Variants in KATNIP observed in about 807,000 individuals in gnomAD.
KATNIP encodes katanin interacting protein.
Under a neutral mutation model 174.0 loss-of-function variants are expected in KATNIP, and 126 were observed. The observed-to-expected ratio is 0.72, with a 90% CI of 0.63 to 0.84. The LOEUF (loss-of-function observed/expected upper bound fraction) is 0.84. KATNIP is among the 40% of genes least tolerant of loss of function. The pLI, the probability that KATNIP is intolerant of heterozygous loss-of-function variation, is 0.00. For missense variants in KATNIP, 1,958 were observed against 2,109.7 expected, an observed-to-expected ratio of 0.93 and a Z score of 1.41; for synonymous variants, 810 against 835.7, an observed-to-expected ratio of 0.97 and a Z score of 0.53.
chr16:27,768,488 G>C (rs898406136), intron 20 of KATNIP, among the ~76,000 whole-genome samples: 12 of 152,146 alleles, frequency 7.9e-5, no homozygotes, highest in Non-Finnish European at 1.6e-4. Flanking sequence ...GGGCGACTCT[G>C]TCCAGGGCAC....
Position 27,753,994 on chromosome 16 carries a change from G to C in KATNIP, c.3553-179G>C, listed in dbSNP as rs536638276. Among the ~76,000 whole-genome samples the C allele has an allele frequency of 2.1e-3, 321 of 152,246 alleles. 3 individuals carry two copies. Among genetic ancestry groups the C allele is most frequent in the African/African-American group, 7.4e-3 (307 of 41,528 alleles). ...AAGGATGCAGACCCTGGAGGGTCAG[G>C]GTCCGCCCATATCACTGGTCCCATA... On this transcript the variant is annotated intron_variant, in intron 17 of 27. Transcript: ENST00000261588.
chr16:27,585,049 A>G (rs527966584), intron 2 of KATNIP, among the ~76,000 whole-genome samples: 2 of 151,916 alleles, frequency 1.3e-5, no homozygotes, highest in Non-Finnish European at 2.9e-5. Flanking sequence ...AGACAGGAGG[A>G]CCCCAAACTC....
Position 27,775,046 on chromosome 16 carries a change from G to T in KATNIP, c.4411G>T (p.Gly1471Cys). ...CGACCAAGTGAACGACACCAGTGAT[G>T]GCCGGCACATGTGGCTGGCTCCCAT... ...LIDQVNDTSD[G>C]RHMWLAPILP... is the part of the protein sequence containing the mutation. The change falls in exon 24 of 28, where the codon GGC (glycine) becomes TGC (cysteine). Residue 1471 changes from glycine to cysteine, a missense_variant. This residue lies in a region of KATNIP where 383 missense variants were observed against 456.0 expected (regional missense o/e 0.84). Transcript: ENST00000261588. 6.2e-7 allele frequency: 1 copy of T among 1,613,252 alleles called. No individual in the cohort carries two copies. The highest frequency in any genetic ancestry group is 8.5e-7 in the Non-Finnish European group (1 of 1,179,780).
chr16:27,717,109 T>C lies in KATNIP; in HGVS notation c.1606-4449T>C, dbSNP rs578222422. Among the ~76,000 whole-genome samples, 168 of 152,288 alleles carry C rather than the reference T, an allele frequency of 1.1e-3. 2 individuals are homozygous for C. Among genetic ancestry groups the C allele is most frequent in the African/African-American group, 3.9e-3 (163 of 41,568 alleles). On this transcript the variant is annotated intron_variant, in intron 13 of 27. Transcript: ENST00000261588. ...CGCCCACCTCAGCCTCTCAAAGTGC[T>C]GGGATTACAGGTGTGAGCCACTGCG...
At chr16:27,574,976 C>T (rs74016094) in intron 2 of KATNIP, among the ~76,000 whole-genome samples, 7 of 152,276 alleles carry the variant, frequency 4.6e-5, no homozygotes, top group Admixed American at 4.6e-4. Context: ...TACCTTCCCC[C>T]CTCCCCGCCT....
intron 2 of KATNIP, among the ~76,000 whole-genome samples, chr16:27,594,254 T>C (rs899563930): frequency 3.9e-5 from 6 of 151,936 alleles, no homozygotes; most frequent in Non-Finnish European, 8.8e-5. Context: ...AGTGAGGCCC[T>C]ATCTCAAAAA....
intron 8 of KATNIP, among the ~76,000 whole-genome samples, chr16:27,692,468 G>A (rs981034676): frequency 6.6e-6 from 1 of 152,130 alleles, no homozygotes; most frequent in Non-Finnish European, 1.5e-5. Context: ...TCATGAAGTA[G>A]CTGAGGCTCT....
chr16:27,721,766 T>C lies in KATNIP; in HGVS notation c.1743+71T>C, dbSNP rs1359242234. 6 of 1,553,580 alleles carry C rather than the reference T, an allele frequency of 3.9e-6. No homozygotes were observed. The African/African-American group carries it at 5.4e-5, about 14-fold the overall frequency. On this transcript the variant is annotated intron_variant, in intron 14 of 27. Coordinates refer to ENST00000261588, the MANE Select transcript of KATNIP (RefSeq NM_015202.5). ...AGCACTTAGCAGTTTGCCAATAGCC[T>C]GATTCCTAAAGTTGCAAAATGGATA...
intron 2 of KATNIP, among the ~76,000 whole-genome samples, chr16:27,578,350 T>C (rs969827666): frequency 6.6e-6 from 1 of 151,866 alleles, no homozygotes; most frequent in Admixed American, 6.6e-5. Context: ...GAAAACAAAA[T>C]AAATAGCTCT....
intron 2 of KATNIP, among the ~76,000 whole-genome samples, chr16:27,608,399 C>CTTTTTTTTTTTTTTTTTT (rs11374534): frequency 2.1e-5 from 2 of 97,558 alleles, no homozygotes; most frequent in Non-Finnish European, 3.8e-5. Context: ...ACTGGTGAAT[C>CTTTTTTTTTTTTTTTTTT]TTTTTTTTTT....
At chr16:27,680,801 TC>T (rs575785169) in intron 7 of KATNIP, among the ~76,000 whole-genome samples, 6 of 152,328 alleles carry the variant, frequency 3.9e-5, no homozygotes, top group Admixed American at 6.5e-5. Context: ...TTCAAGCAAT[TC>T]TCATGCCTCA....
intron 6 of KATNIP, among the ~76,000 whole-genome samples, chr16:27,663,158 T>C (rs1333368994): frequency 7.2e-6 from 1 of 139,480 alleles, no homozygotes; most frequent in Non-Finnish European, 1.5e-5. Context: ...TCTTCTTTTT[T>C]TTTTTTTTTT....
chr16:27,608,860 G>A (rs976511909), intron 2 of KATNIP, among the ~76,000 whole-genome samples: 3 of 152,024 alleles, frequency 2.0e-5, no homozygotes, highest in Non-Finnish European at 4.4e-5. Context: ...TCAGCACCCG[G>A]CAATCTAGCC....
chr16:27,565,801 AC>A (rs1211375757), intron 1 of KATNIP, among the ~76,000 whole-genome samples: 2 of 151,598 alleles, frequency 1.3e-5, no homozygotes, highest in African/African-American at 4.8e-5. Flanking sequence ...CAACAAAAAA[AC>A]AAAAAAAAAA....
At chr16:27,751,149 T>A (rs181549803) in intron 16 of KATNIP, among the ~76,000 whole-genome samples, 3 of 152,232 alleles carry the variant, frequency 2.0e-5, no homozygotes, top group Admixed American at 2.0e-4. Flanking sequence ...AGATGGGGCA[T>A]TCTTTGGCAA....
intron 7 of KATNIP, among the ~76,000 whole-genome samples, chr16:27,679,379 C>T (rs1383712245): frequency 6.6e-6 from 1 of 152,074 alleles, no homozygotes; most frequent in African/African-American, 2.4e-5. Context: ...ACCTATATGA[C>T]CTTGTTTTTA....
At chr16:27,611,230 T>A (rs1371832307) in intron 2 of KATNIP, among the ~76,000 whole-genome samples, 1 of 152,226 alleles carries the variant, frequency 6.6e-6, no homozygotes, top group East Asian at 1.9e-4. Context: ...GTCAGAGCTT[T>A]TGTTAAGCCC....
At chr16:27,664,873 T>A (rs1351290968) in intron 6 of KATNIP, among the ~76,000 whole-genome samples, 3 of 152,118 alleles carry the variant, frequency 2.0e-5, no homozygotes, top group African/African-American at 7.2e-5. Context: ...AGTGTGTGCA[T>A]GTGCATGTGT....
chr16:27,579,930 A>G (rs1220755773), intron 2 of KATNIP, among the ~76,000 whole-genome samples: 1 of 151,180 alleles, frequency 6.6e-6, no homozygotes, highest in Non-Finnish European at 1.5e-5. Context: ...GGCTTCCTTC[A>G]TTTTTCCCAA....
Sources: allele counts gnomAD v4.1 joint callset (sites outside exome capture counted in the v4.1 genomes callset), GRCh38; gene constraint gnomAD v4.1.1; regional missense constraint gnomAD v4.1.1; transcripts MANE v1.5; gene names NCBI Gene and HGNC (gene_info 2026-07-23, HGNC 2026-07-21).